The following NUMA1 variants were observed in gnomAD, a reference collection of about 807,000 sequenced individuals.
The protein encoded by NUMA1 is SP-H antigen.
NUMA1 carries 62 observed loss-of-function variants against 237.1 expected under a neutral mutation model. That is an observed-to-expected ratio of 0.26 (90% CI 0.21 to 0.32). NUMA1 has a LOEUF of 0.32. NUMA1 is among the 10% of genes least tolerant of loss of function. The pLI is 1.00. For synonymous variants in NUMA1, 1,028 were observed against 1,066.1 expected (o/e 0.96, Z 0.70); for missense variants, 2,533 against 2,666.5 (o/e 0.95, Z 1.10).
chr11:72,059,155 G>A (rs538882178), intron 2 of NUMA1, among the ~76,000 whole-genome samples: 69 of 152,286 alleles, frequency 4.5e-4, no homozygotes, highest in African/African-American at 1.5e-3. Context: ...TTCACATACA[G>A]GTATGTGTGT....
At chr11:72,078,327 C>T (rs994515004) in intron 1 of NUMA1, among the ~76,000 whole-genome samples, 1 of 152,218 alleles carries the variant, frequency 6.6e-6, no homozygotes, top group Non-Finnish European at 1.5e-5. Context: ...AATGACCACA[C>T]CATATATTAG....
At chr11:72,026,599 A>C (rs1470133160) in intron 4 of NUMA1, among the ~76,000 whole-genome samples, 4 of 152,218 alleles carry the variant, frequency 2.6e-5, no homozygotes, top group Non-Finnish European at 5.9e-5. Context: ...CCCAGAGAGA[A>C]GGCCAAGTGG....
At chr11:72,012,528 C>A (rs1956224200) in intron 15 of NUMA1, 86 bp from the exon 16 acceptor site, 8 of 1,274,214 alleles carry the variant, frequency 6.3e-6, no homozygotes, top group Non-Finnish European at 9.0e-6. Context: ...CTCACTGAGG[C>A]TCTGATACTT....
chr11:72,047,695 G>A (rs906422317), intron 2 of NUMA1, among the ~76,000 whole-genome samples: 1 of 152,234 alleles, frequency 6.6e-6, no homozygotes, highest in African/African-American at 2.4e-5. Flanking sequence ...AGTTTGTCCT[G>A]AGAATTAGAC....
At chr11:72,061,491 T>TTTC (rs1565287599) in intron 2 of NUMA1, among the ~76,000 whole-genome samples, 1 of 140,672 alleles carries the variant, frequency 7.1e-6, no homozygotes, top group Admixed American at 7.1e-5. Context: ...TTTTCTTTTT[T>TTTC]TTTTTTTTTT....
At chr11:72,008,567 T>A (rs1955916461) in intron 20 of NUMA1, 121 bp downstream of exon 20, 1 of 1,175,954 alleles carries the variant, frequency 8.5e-7, no homozygotes, top group Non-Finnish European at 1.2e-6. Context: ...ATAATACCCG[T>A]TTTTCGTTAT....
At chr11:72,025,288 G>A (rs1939427308) in intron 4 of NUMA1, among the ~76,000 whole-genome samples, 1 of 152,054 alleles carries the variant, frequency 6.6e-6, no homozygotes, top group Non-Finnish European at 1.5e-5. Flanking sequence ...ACAGCAGGGG[G>A]AGCTCTCACA....
chr11:72,005,649 G>C (rs764928061), intron 22 of NUMA1: 35 of 514,242 alleles, frequency 6.8e-5, no homozygotes, highest in Non-Finnish European at 1.1e-4. Context: ...AACACCCAGA[G>C]GAACAAATTA....
At chr11:72,017,352 TG>T (rs1309282070) in intron 13 of NUMA1, 2 of 375,250 alleles carry the variant, frequency 5.3e-6, no homozygotes. Context: ...TCATAATAGG[TG>T]ATGAGGCAGC....
intron 8 of NUMA1, among the ~76,000 whole-genome samples, chr11:72,019,980 C>T (rs1392190395): frequency 1.3e-5 from 2 of 152,162 alleles, no homozygotes; most frequent in East Asian, 1.9e-4. Flanking sequence ...TTGCAGCCCC[C>T]AACAACCTTT....
rs772252481 is a variant in NUMA1, at chr11:72,013,765, C to T, written c.3738G>A (p.Gly1246=). ...ILNRQVLEKE[G]ESKELKRLVM... is the part of the protein sequence containing the mutation. The stretch of plus-strand genomic sequence containing the variant: ...CCAGCCGCTTCAACTCCTTGCTCTC[C>T]CCCTCCTTCTCCAGGACCTGGCGAT... Residue 1246 remains glycine, a synonymous_variant, in exon 15 of 27, where the codon GGG becomes GGA. Coordinates refer to ENST00000393695, the MANE Select transcript of NUMA1 (RefSeq NM_006185.4). The surrounding 1 kb of genome is among the most constrained non-coding windows in gnomAD (Gnocchi z 6.8). The T allele has an allele frequency of 6.2e-7, 1 of 1,610,088 alleles. No homozygotes were observed. Among genetic ancestry groups the T allele is most frequent in the Non-Finnish European group, 8.5e-7 (1 of 1,180,022 alleles).
intron 9 of NUMA1, 111 bp downstream of exon 9, chr11:72,019,383 A>G: frequency 1.4e-6 from 2 of 1,394,420 alleles, no homozygotes; most frequent in Non-Finnish European, 2.0e-6. Context: ...GATCTACCGG[A>G]TACTCTAAGC....
chr11:72,068,776 T>C (rs188164440), intron 2 of NUMA1, among the ~76,000 whole-genome samples: 1 of 152,278 alleles, frequency 6.6e-6, no homozygotes, highest in East Asian at 1.9e-4. Context: ...ATCAAAATAC[T>C]CTCCTTAGGA....
At chr11:72,004,523 A>G in intron 24 of NUMA1, 117 bp downstream of exon 24, 1 of 1,245,828 alleles carries the variant, frequency 8.0e-7, no homozygotes, top group Non-Finnish European at 1.1e-6. Flanking sequence ...GCCCTTGGAG[A>G]GAGGGAAAGA....
rs75144282 is a variant in NUMA1, at chr11:72,044,246, C to T, written c.-32-8271G>A. Among the ~76,000 whole-genome samples the T allele has an allele frequency of 4.1e-3, 620 of 152,242 alleles. 11 individuals are homozygous for T. In the East Asian group the frequency reaches 0.066, roughly 16 times the overall value. ...AACTTTAGTATCCCTATTTGTAAAA[C>T]AAGAATAAAGACACCTGTTATAAAG... On this transcript the variant is annotated intron_variant, in intron 2 of 26. Transcript: ENST00000393695.
At chr11:72,010,614 G>A (rs564428553) in intron 17 of NUMA1, among the ~76,000 whole-genome samples, 172 bp downstream of exon 17, 37 of 152,296 alleles carry the variant, frequency 2.4e-4, no homozygotes, top group African/African-American at 8.7e-4. Flanking sequence ...GTTGTCTCTC[G>A]AGAGCTCCCA....
intron 7 of NUMA1, 142 bp from the exon 8 acceptor site, chr11:72,021,433 C>G: frequency 1.4e-6 from 1 of 716,046 alleles, no homozygotes; most frequent in South Asian, 1.6e-5. Context: ...CCTCTCAGAG[C>G]TGAGGTCCTA....
At chr11:72,074,991 G>A (rs1422837016) in intron 1 of NUMA1, among the ~76,000 whole-genome samples, 3 of 151,678 alleles carry the variant, frequency 2.0e-5, no homozygotes, top group African/African-American at 4.9e-5. Flanking sequence ...CCAAGACTGT[G>A]CAATTGCACT....
At chr11:72,034,693 C>G (rs868160833) in intron 3 of NUMA1, among the ~76,000 whole-genome samples, 6 of 151,126 alleles carry the variant, frequency 4.0e-5, no homozygotes, top group Admixed American at 6.6e-5. Context: ...GGCGACAGAG[C>G]AAGACTCCAT....
Sources: allele counts gnomAD v4.1 joint callset (sites outside exome capture counted in the v4.1 genomes callset), GRCh38; gene constraint gnomAD v4.1.1; non-coding constraint Gnocchi (gnomAD v3.1); transcripts MANE v1.5; gene names NCBI Gene and HGNC (gene_info 2026-07-23, HGNC 2026-07-21).